The following PEPD variants were observed in gnomAD, a reference collection of about 807,000 sequenced individuals.
PEPD encodes peptidase D.
Under a neutral mutation model 60.7 loss-of-function variants are expected in PEPD, and 53 were observed. That is an observed-to-expected ratio of 0.87 (90% CI 0.70 to 1.10). The LOEUF (loss-of-function observed/expected upper bound fraction) is 1.10, where lower values mean the gene tolerates loss of function less well. Ranked by LOEUF, PEPD falls within the 50% of genes least tolerant of loss-of-function variation. PEPD has a pLI of 0.00. For missense variants in PEPD, 711 were observed against 711.9 expected, an observed-to-expected ratio of 1.00 and a Z score of 0.01; for synonymous variants, 267 against 284.1, an observed-to-expected ratio of 0.94 and a Z score of 0.60.
In PEPD at chr19:33,391,402, C is replaced by T. The variant is rs765974570; in HGVS notation, c.1045G>A (p.Gly349Ser). 116 of 1,585,898 alleles carry T rather than the reference C, an allele frequency of 7.3e-5. 2 individuals are homozygous for T. The Middle Eastern group carries it at 1.3e-3, about 18-fold the overall frequency. The change falls in exon 13 of 15, where the codon GGC becomes AGC. Residue 349 changes from glycine to serine, a missense_variant. Gly to Ser is a moderately conservative substitution (Grantham distance 56). Transcript: ENST00000244137. ...EELAHMGILS[G>S]SVDAMVQAHL... The stretch of plus-strand genomic sequence containing the variant: ...GCCTGGACCATGGCGTCCACGCTGC[C>T]GCTCAGGATGCCCATGTGGGCCAGC...
chr19:33,447,863 C>A (rs889983977), intron 9 of PEPD, among the ~76,000 whole-genome samples: 6 of 152,220 alleles, frequency 3.9e-5, no homozygotes, highest in Non-Finnish European at 7.3e-5. Flanking sequence ...AACCCTCAGC[C>A]TGAACCACAA....
chr19:33,417,533 C>T (rs1037562910), intron 9 of PEPD, among the ~76,000 whole-genome samples: 5 of 152,326 alleles, frequency 3.3e-5, no homozygotes, highest in Admixed American at 6.5e-5. Context: ...GCTGAATGGC[C>T]TCTCCGTGCC....
intron 9 of PEPD, among the ~76,000 whole-genome samples, chr19:33,442,371 C>T (rs1188097396): frequency 2.0e-5 from 3 of 150,622 alleles, no homozygotes; most frequent in East Asian, 3.9e-4. Context: ...TGCTCCATTG[C>T]ACTTCAGGCT....
At chr19:33,428,890 A>G (rs1287938694) in intron 9 of PEPD, among the ~76,000 whole-genome samples, 1 of 152,230 alleles carries the variant, frequency 6.6e-6, no homozygotes, top group Non-Finnish European at 1.5e-5. Flanking sequence ...GAACATTCAC[A>G]CATACATGCA....
At chr19:33,388,290 C>T in intron 13 of PEPD, 2 of 693,302 alleles carry the variant, frequency 2.9e-6, no homozygotes, top group South Asian at 1.5e-5. Flanking sequence ...TCTTGAGTGT[C>T]CCTGGCCACA....
At chr19:33,411,607 T>C in intron 11 of PEPD, 65 bp downstream of exon 11, 1 of 884,618 alleles carries the variant, frequency 1.1e-6, no homozygotes, top group Non-Finnish European at 1.9e-6. Context: ...TGGGCCATCT[T>C]GAAGTTGAGT....
chr19:33,389,806 G>A (rs998380387), intron 13 of PEPD, among the ~76,000 whole-genome samples: 1 of 152,294 alleles, frequency 6.6e-6, no homozygotes, highest in African/African-American at 2.4e-5. Flanking sequence ...GGCAAGGCCT[G>A]CCTCAGCCCA....
chr19:33,387,634 C>G (rs1968107401), intron 14 of PEPD, 153 bp from the exon 15 acceptor site: 2 of 975,928 alleles, frequency 2.0e-6, no homozygotes, highest in South Asian at 2.7e-5. Context: ...ATGGAGCCAT[C>G]TGCCCATGTC....
chr19:33,499,924 A>C (rs1484192887), intron 4 of PEPD, among the ~76,000 whole-genome samples: 1 of 152,176 alleles, frequency 6.6e-6, no homozygotes, highest in Non-Finnish European at 1.5e-5. Context: ...GATCCCTGGG[A>C]ACCTGCTTCT....
chr19:33,397,071 G>C (rs950275474), intron 12 of PEPD, among the ~76,000 whole-genome samples: 2 of 152,148 alleles, frequency 1.3e-5, no homozygotes, highest in Admixed American at 1.3e-4. Context: ...TCCCGTGCAT[G>C]GCACTCCCCG....
rs1167014714 is a variant in PEPD at position 33,387,889 on chromosome 19, C to T, written c.1344+1G>A. On this transcript the variant is annotated splice_donor_variant, in intron 14 of 14. Coordinates refer to ENST00000244137, the MANE Select transcript of PEPD (RefSeq NM_000285.4). LOFTEE classifies it high-confidence loss of function. ...CAAGAATGGGGCCCGTGGGCACTCA[C>T]CCCGCCAAAACCGCGAAAGCGCTGC... 1.9e-6 allele frequency: 3 copies of T among 1,561,942 alleles called. No homozygotes were observed. Among genetic ancestry groups the T allele is most frequent in the Non-Finnish European group, 2.6e-6 (3 of 1,153,630 alleles).
At chr19:33,454,457 CTGGGCATGGTGG>C (rs1311977966) in intron 9 of PEPD, among the ~76,000 whole-genome samples, 4 of 152,004 alleles carry the variant, frequency 2.6e-5, no homozygotes, top group Non-Finnish European at 4.4e-5. Flanking sequence ...CAAAAATTAG[CTGGGCATGGTGG>C]TGGGCACCTG....
intron 1 of PEPD, among the ~76,000 whole-genome samples, chr19:33,520,342 T>A (rs33841): frequency 6.6e-6 from 1 of 152,000 alleles, no homozygotes; most frequent in Non-Finnish European, 1.5e-5. Context: ...CCTGAGTTCC[T>A]TGACACCCAT....
intron 11 of PEPD, among the ~76,000 whole-genome samples, chr19:33,402,998 A>T (rs920721131): frequency 6.6e-5 from 10 of 152,164 alleles, no homozygotes; most frequent in Non-Finnish European, 1.5e-4. Context: ...CTCTCTGGGC[A>T]ACGGCAGAGA....
chr19:33,520,206 G>A (rs1319682611), intron 1 of PEPD, among the ~76,000 whole-genome samples: 1 of 152,086 alleles, frequency 6.6e-6, no homozygotes, highest in Non-Finnish European at 1.5e-5. Context: ...GAACCCAAAT[G>A]CAACCCCTGG....
chr19:33,410,799 G>A (rs1312754320), intron 11 of PEPD, among the ~76,000 whole-genome samples: 2 of 149,532 alleles, frequency 1.3e-5, no homozygotes, highest in Non-Finnish European at 2.9e-5. Context: ...ATGTCTGGAG[G>A]CCAAGACAGG....
At chr19:33,411,561 T>A in intron 11 of PEPD, 111 bp downstream of exon 11, 1 of 718,572 alleles carries the variant, frequency 1.4e-6, no homozygotes. Context: ...GGACTTGCTG[T>A]GGTCAGCCCT....
At chr19:33,398,034 G>A (rs1368197005) in intron 12 of PEPD, among the ~76,000 whole-genome samples, 1 of 152,198 alleles carries the variant, frequency 6.6e-6, no homozygotes, top group Non-Finnish European at 1.5e-5. Flanking sequence ...GCCAGCCAGG[G>A]CTGGGCCATC....
At chr19:33,452,424 AAG>A (rs1326800489) in intron 9 of PEPD, among the ~76,000 whole-genome samples, 2 of 152,190 alleles carry the variant, frequency 1.3e-5, no homozygotes, top group African/African-American at 4.8e-5. Flanking sequence ...AAGGTTCAGG[AAG>A]AGAGGAGAAA....
Sources: gnomAD v4.1 joint callset for allele counts (sites outside exome capture counted in the v4.1 genomes callset) on GRCh38, gnomAD v4.1.1 for gene constraint, MANE v1.5 for transcripts, NCBI Gene and HGNC (gene_info 2026-07-23, HGNC 2026-07-21) for gene names.